ENOX2: variants seen among roughly 807,000 people sequenced by gnomAD.
The protein encoded by ENOX2 is APK1 antigen.
A neutral mutation model predicts 45.0 loss-of-function variants in ENOX2; 36 were observed. That is an observed-to-expected ratio of 0.80 (90% CI 0.61 to 1.06). The LOEUF (loss-of-function observed/expected upper bound fraction) is 1.06. Ranked by LOEUF, ENOX2 falls within the 50% of genes least tolerant of loss-of-function variation. The probability of loss-of-function intolerance (pLI) is 0.00; values close to 1 mark genes in which losing one functional copy is unlikely to be tolerated. For synonymous variants in ENOX2, 174 were observed against 152.3 expected (o/e 1.14, Z -1.05); for missense variants, 423 against 462.5 (o/e 0.91, Z 0.78).
chrX:130,884,352 AT>A (rs2078868128), intron 2 of ENOX2, among the ~76,000 whole-genome samples: 1 of 112,381 alleles, frequency 8.9e-6, no homozygotes, highest in Admixed American at 9.4e-5. Flanking sequence ...TAAACAGATT[AT>A]AACAATACTT....
In ENOX2 at chrX:130,803,786, C is replaced by A. The variant is rs774612749; in HGVS notation, c.-182-20096G>T. On this transcript the variant is annotated intron_variant, in intron 2 of 14. Coordinates refer to ENST00000394363, the MANE Select transcript of ENOX2 (RefSeq NM_006375.4). ...ATTACTGAAACTGCCACATCAAATA[C>A]TTTAACATACCCCTCCCTAGGGACG... Among the ~76,000 whole-genome samples the A allele has an allele frequency of 2.1e-4, 24 of 112,413 alleles. No individual in the cohort carries two copies. The South Asian group carries it at 8.5e-3, about 40-fold the overall frequency.
At chrX:130,843,154 C>T (rs1311927871) in intron 2 of ENOX2, among the ~76,000 whole-genome samples, 3 of 111,332 alleles carry the variant, frequency 2.7e-5, no homozygotes, top group African/African-American at 6.6e-5. Context: ...GTTTACTCAA[C>T]AATCCTGATC....
intron 3 of ENOX2, among the ~76,000 whole-genome samples, chrX:130,734,237 T>C (rs137922453): frequency 1.7e-3 from 189 of 111,785 alleles, no homozygotes; most frequent in African/African-American, 5.6e-3. Flanking sequence ...TGTGTCACAA[T>C]TAATGAAGGT....
intron 10 of ENOX2, among the ~76,000 whole-genome samples, chrX:130,654,558 G>A (rs1281940862): frequency 4.5e-5 from 5 of 111,802 alleles, no homozygotes; most frequent in African/African-American, 6.5e-5. Context: ...CCTTTTCACT[G>A]GCTCACAATG....
chrX:130,688,563 C>G (rs767043087), intron 5 of ENOX2, among the ~76,000 whole-genome samples: 1 of 112,505 alleles, frequency 8.9e-6, no homozygotes, highest in East Asian at 2.8e-4. Context: ...AAAGAAAAGA[C>G]TGCAGATGAT....
intron 2 of ENOX2, among the ~76,000 whole-genome samples, chrX:130,838,498 G>T (rs1324915950): frequency 8.9e-6 from 1 of 111,986 alleles, no homozygotes; most frequent in Non-Finnish European, 1.9e-5. Flanking sequence ...CACAAAAGAG[G>T]TACTTAAAAA....
intron 2 of ENOX2, among the ~76,000 whole-genome samples, chrX:130,863,533 A>G (rs189273357): frequency 4.4e-5 from 5 of 112,378 alleles, no homozygotes; most frequent in African/African-American, 1.6e-4. Flanking sequence ...ATTTTGAGTA[A>G]ATGAGATATG....
intron 10 of ENOX2, among the ~76,000 whole-genome samples, chrX:130,655,882 C>A (rs966566289): frequency 1.8e-5 from 2 of 112,129 alleles, no homozygotes; most frequent in African/African-American, 3.2e-5. Context: ...GTGATCCCCA[C>A]CCACCTCGGC....
At chrX:130,683,440 T>C (rs2037362322) in intron 5 of ENOX2, among the ~76,000 whole-genome samples, 2 of 112,225 alleles carry the variant, frequency 1.8e-5, no homozygotes, top group African/African-American at 6.5e-5. Flanking sequence ...TTTCTCTAAC[T>C]CTCTTTATAG....
At chrX:130,752,437 C>T (rs2039246112) in intron 3 of ENOX2, among the ~76,000 whole-genome samples, 1 of 80,287 alleles carries the variant, frequency 1.2e-5, no homozygotes, top group East Asian at 4.1e-4. Context: ...CTCTCTCTCT[C>T]TCCATCTGCA....
rs2039522215 is a variant in ENOX2, at chrX:130,762,712, G to A, written c.-39+20835C>T. ...TTCTCGTTTTATTCCATTGTGGTTG[G>A]AGGGCATGCTCTATATGATTCAAAT... On this transcript the variant is annotated intron_variant, in intron 3 of 14. Transcript: ENST00000394363. Among the ~76,000 whole-genome samples, 3 of 112,082 alleles carry A rather than the reference G, an allele frequency of 2.7e-5. No homozygotes were observed. The Admixed American group carries it at 2.8e-4, about 11-fold the overall frequency.
intron 2 of ENOX2, among the ~76,000 whole-genome samples, chrX:130,851,174 C>T (rs1183016127): frequency 8.9e-6 from 1 of 112,379 alleles, no homozygotes; most frequent in Non-Finnish European, 1.9e-5. Flanking sequence ...TTGTATTTCC[C>T]CAGAAAGCTA....
At chrX:130,897,100 T>C (rs557097838) in intron 2 of ENOX2, among the ~76,000 whole-genome samples, 26 of 112,215 alleles carry the variant, frequency 2.3e-4, no homozygotes, top group Non-Finnish European at 3.8e-4. Context: ...TCGGCTCCCA[T>C]GAGACACATT....
intron 8 of ENOX2, among the ~76,000 whole-genome samples, chrX:130,665,981 A>C (rs2036824212): frequency 9.0e-6 from 1 of 111,343 alleles, no homozygotes; most frequent in Non-Finnish European, 1.9e-5. Context: ...AAAAGGGAAC[A>C]CCAGAGGTTT....
chrX:130,873,429 C>G (rs1225117411), intron 2 of ENOX2, among the ~76,000 whole-genome samples: 2 of 112,013 alleles, frequency 1.8e-5, no homozygotes, highest in Non-Finnish European at 3.8e-5. Flanking sequence ...AATAGGAACA[C>G]TTTTACACTG....
intron 14 of ENOX2, among the ~76,000 whole-genome samples, chrX:130,626,883 A>T (rs891085778): frequency 9.0e-6 from 1 of 111,636 alleles, no homozygotes; most frequent in Non-Finnish European, 1.9e-5. Flanking sequence ...CCCAGATCCT[A>T]TGAAATAGGC....
At chrX:130,875,000 A>G (rs773388757) in intron 2 of ENOX2, among the ~76,000 whole-genome samples, 3 of 111,931 alleles carry the variant, frequency 2.7e-5, no homozygotes, top group Admixed American at 1.9e-4. Flanking sequence ...CAAATGCAAG[A>G]AGTGTGTGAG....
At chrX:130,688,742 C>A in intron 5 of ENOX2, 121 bp downstream of exon 5, 1 of 586,960 alleles carries the variant, frequency 1.7e-6, no homozygotes, top group Non-Finnish European at 2.6e-6. Flanking sequence ...GTCTTCTGTT[C>A]TCTAGGTGAA....
intron 14 of ENOX2, 92 bp from the exon 15 acceptor site, chrX:130,625,537 C>G (rs766378657): frequency 7.3e-6 from 7 of 964,405 alleles, no homozygotes; most frequent in South Asian, 2.4e-5. Context: ...GCTGATGTGT[C>G]TGTGTGTGTG....
Sources: allele counts gnomAD v4.1 joint callset (sites outside exome capture counted in the v4.1 genomes callset), GRCh38; gene constraint gnomAD v4.1.1; transcripts MANE v1.5; gene names NCBI Gene and HGNC (gene_info 2026-07-23, HGNC 2026-07-21).